GDAP1: variants seen among roughly 807,000 people sequenced by gnomAD.
The protein encoded by GDAP1 is ganglioside-induced differentiation-associated protein 1.
In GDAP1, 34 loss-of-function variants were observed where a neutral mutation model predicts 40.1. The observed-to-expected ratio is 0.85, with a 90% confidence interval of 0.64 to 1.13. The LOEUF (loss-of-function observed/expected upper bound fraction) is 1.13. GDAP1 is among the 50% of genes most tolerant of loss of function. The pLI, the probability that GDAP1 is intolerant of heterozygous loss-of-function variation, is 0.00. For missense variants in GDAP1, 374 were observed against 433.7 expected, an observed-to-expected ratio of 0.86 and a Z score of 1.22; for synonymous variants, 170 against 157.4, an observed-to-expected ratio of 1.08 and a Z score of -0.60.
At chr8:74,438,906 T>A (rs923807225) in intron 2 of GDAP1, among the ~76,000 whole-genome samples, 7 of 152,162 alleles carry the variant, frequency 4.6e-5, no homozygotes, top group Admixed American at 6.5e-5. Flanking sequence ...GCAGTCTGAA[T>A]TAGTTTTTTA....
chr8:74,418,639 A>G (rs1805815240), intron 2 of GDAP1, among the ~76,000 whole-genome samples: 1 of 152,204 alleles, frequency 6.6e-6, no homozygotes, highest in African/African-American at 2.4e-5. Flanking sequence ...ATGACACTAA[A>G]AGCATGGTGC....
intron 2 of GDAP1, among the ~76,000 whole-genome samples, chr8:74,374,662 A>G (rs1809821062): frequency 6.6e-6 from 1 of 152,218 alleles, no homozygotes; most frequent in Non-Finnish European, 1.5e-5. Flanking sequence ...CACAAATAGA[A>G]GGGATGTCAC....
chr8:74,366,233 A>C lies in GDAP1; in HGVS notation c.*1866A>C. 2.2e-6 allele frequency: 1 copy of C among 454,190 alleles called. No individual in the cohort carries two copies. The highest frequency in any genetic ancestry group is 4.4e-6 in the Non-Finnish European group (1 of 226,720). 28.1% of individuals were successfully genotyped at this position (454,190 alleles called of 1,614,324 possible). A position where few individuals can be genotyped will look rare whatever the true frequency, so the allele number is the denominator to read the frequency against. Reference sequence around the variant, plus strand: ...AGTGGCAATTTCATATATTTCATGGATACTTGAGTTTGTGCTTTTAAGGTG... The same window carrying C: ...AGTGGCAATTTCATATATTTCATGGCTACTTGAGTTTGTGCTTTTAAGGTG... On this transcript the variant is annotated 3_prime_UTR_variant, in exon 6 of 6. Coordinates refer to ENST00000220822, the MANE Select transcript of GDAP1 (RefSeq NM_018972.4).
intron 2 of GDAP1, among the ~76,000 whole-genome samples, chr8:74,356,658 T>TTGTGTG (rs1563440182): frequency 1.1e-5 from 1 of 92,330 alleles, no homozygotes; most frequent in Non-Finnish European, 2.4e-5. Flanking sequence ...TAATATTATT[T>TTGTGTG]AGTGTGTGTG....
In GDAP1 at chr8:74,453,940, AACACAC is replaced by A. The variant is rs59331820; in HGVS notation, c.166-34707_166-34702del. 5.0e-3 allele frequency among the ~76,000 whole-genome samples: 294 copies of A among 59,040 alleles called. 97 individuals carry two copies. The highest frequency in any genetic ancestry group is 0.019 in the South Asian group (21 of 1,102). 38.7% of individuals were successfully genotyped at this position (59,040 alleles called of 152,430 possible). A position where few individuals can be genotyped will look rare whatever the true frequency, so the allele number is the denominator to read the frequency against. On this transcript the variant is annotated intron_variant, in intron 2 of 2. Transcript: ENST00000523640. The stretch of plus-strand genomic sequence containing the variant: ...CTTTATTATCTACTATTCTGAAGAA[AACACAC>A]ACACACACACACACACACACACACA...
At chr8:74,418,237 G>T (rs554767190) in intron 2 of GDAP1, among the ~76,000 whole-genome samples, 1 of 152,286 alleles carries the variant, frequency 6.6e-6, no homozygotes, top group East Asian at 1.9e-4. Context: ...AAAACAATTG[G>T]CTAAAGAGAA....
chr8:74,365,281 T>C lies in GDAP1; in HGVS notation c.*914T>C, dbSNP rs1809570056. 2.2e-6 allele frequency: 1 copy of C among 453,986 alleles called. No homozygotes were observed. Among genetic ancestry groups the C allele is most frequent in the Admixed American group, 2.3e-5 (1 of 42,558 alleles). The allele number at this position is 453,986 out of a possible 1,614,324, so 28.1% of individuals were successfully genotyped here. On this transcript the variant is annotated 3_prime_UTR_variant, in exon 6 of 6. Coordinates refer to ENST00000220822, the MANE Select transcript of GDAP1 (RefSeq NM_018972.4). ...TTGTTGTCCAGATCTTTCATCTGTT[T>C]ATGATCATCAACAAAGACTTGTTAG... is the stretch of plus-strand genomic sequence containing the variant.
chr8:74,463,453 C>G (rs1806428509), intron 2 of GDAP1, among the ~76,000 whole-genome samples: 1 of 100,180 alleles, frequency 1.0e-5, no homozygotes, highest in Non-Finnish European at 2.0e-5. Context: ...AGAGCGAGAC[C>G]CTGTCTCAAA....
At chr8:74,463,401 C>T (rs547368510) in intron 2 of GDAP1, among the ~76,000 whole-genome samples, 1 of 150,654 alleles carries the variant, frequency 6.6e-6, no homozygotes, top group African/African-American at 2.5e-5. Flanking sequence ...TTCTAGGCTG[C>T]GGTGAGCTAT....
intron 2 of GDAP1, among the ~76,000 whole-genome samples, chr8:74,444,206 A>ATGGTGG (rs1806201923): frequency 5.2e-4 from 1 of 1,920 alleles, no homozygotes; most frequent in Non-Finnish European, 2.2e-3. Flanking sequence ...ACACACACAC[A>ATGGTGG]CACGCGCGCA....
At chr8:74,464,566 G>A (rs1465479221) in intron 2 of GDAP1, among the ~76,000 whole-genome samples, 1 of 152,214 alleles carries the variant, frequency 6.6e-6, no homozygotes, top group Non-Finnish European at 1.5e-5. Context: ...ACATATGGTT[G>A]TCCCTGCGTC....
intron 2 of GDAP1, among the ~76,000 whole-genome samples, chr8:74,407,957 A>G (rs1474398170): frequency 6.7e-6 from 1 of 149,936 alleles, no homozygotes; most frequent in Non-Finnish European, 1.5e-5. Context: ...TTAAAACACC[A>G]AATTGCAAGT....
chr8:74,445,995 A>T (rs1226254316), intron 2 of GDAP1, among the ~76,000 whole-genome samples: 1 of 152,214 alleles, frequency 6.6e-6, no homozygotes, highest in African/African-American at 2.4e-5. Flanking sequence ...CTTTACAAGA[A>T]ATATGCTAGT....
chr8:74,430,345 T>C (rs1229850653), intron 2 of GDAP1, among the ~76,000 whole-genome samples: 1 of 152,218 alleles, frequency 6.6e-6, no homozygotes, highest in African/African-American at 2.4e-5. Context: ...ATGGCTTTCA[T>C]TGGATATCTA....
rs368322043 is a variant in GDAP1, at chr8:74,404,078, T to C, written c.165+52757T>C. ...ACGAGACAAATTAATTCGTGATTAA[T>C]AAAAATAATGATAATGGCTATTTCT... On this transcript the variant is annotated intron_variant, in intron 2 of 2. Coordinates refer to the GDAP1 transcript ENST00000523640. Among the ~76,000 whole-genome samples the C allele has an allele frequency of 1.0e-4, 15 of 150,072 alleles. No individual in the cohort carries two copies. The East Asian group carries it at 1.7e-3, about 17-fold the overall frequency.
rs1806798552 is a variant in GDAP1 at position 74,488,158 on chromosome 8, T to C, written c.166-520T>C. Among the ~76,000 whole-genome samples the C allele has an allele frequency of 2.0e-5, 3 of 152,198 alleles. No homozygotes were observed. The South Asian group carries it at 6.2e-4, about 31-fold the overall frequency. ...GGAACAAGCATTAAAGTCTAATTATTAAAGTTAAAAATTATTAAACTAGCA... is the reference window on the plus strand; with the variant it reads ...GGAACAAGCATTAAAGTCTAATTATCAAAGTTAAAAATTATTAAACTAGCA... On this transcript the variant is annotated intron_variant, in intron 2 of 2. Transcript: ENST00000523640.
intron 5 of GDAP1, 121 bp from the exon 6 acceptor site, chr8:74,363,864 A>G (rs1436043416): frequency 1.1e-5 from 9 of 798,738 alleles, no homozygotes; most frequent in East Asian, 2.5e-5. Flanking sequence ...AAATAAATAT[A>G]TAATGTCCTT....
At chr8:74,376,388 G>C (rs1368069953) in intron 2 of GDAP1, among the ~76,000 whole-genome samples, 1 of 128,356 alleles carries the variant, frequency 7.8e-6, no homozygotes, top group East Asian at 2.4e-4. Context: ...TCACTCTGTT[G>C]CCCAGGCTGG....
At chr8:74,434,446 G>T (rs112194720) in intron 2 of GDAP1, among the ~76,000 whole-genome samples, 1 of 152,066 alleles carries the variant, frequency 6.6e-6, no homozygotes, top group Non-Finnish European at 1.5e-5. Context: ...TAAAATGAAG[G>T]TACTGAATTG....
Sources: allele counts gnomAD v4.1 joint callset (sites outside exome capture counted in the v4.1 genomes callset), GRCh38; gene constraint gnomAD v4.1.1; transcripts MANE v1.5; gene names NCBI Gene and HGNC (gene_info 2026-07-23, HGNC 2026-07-21).